Variants in CPNE5 observed in about 807,000 individuals in gnomAD.
CPNE5 encodes the protein copine-5.
CPNE5 carries 42 observed loss-of-function variants against 81.1 expected under a neutral mutation model. The ratio of observed to expected loss-of-function variants is 0.52; its 90% CI spans 0.40 to 0.67. The LOEUF is 0.67. Among genes scored for constraint, CPNE5 ranks in the 30% least tolerant of loss-of-function variants. The pLI, the probability that CPNE5 is intolerant of heterozygous loss-of-function variation, is 0.00. For missense variants in CPNE5, 612 were observed against 815.5 expected (o/e 0.75, Z 3.04); for synonymous variants, 313 against 321.5 (o/e 0.97, Z 0.28).
At chr6:36,747,369 T>C (rs59030356) in intron 15 of CPNE5, among the ~76,000 whole-genome samples, 43,210 of 152,034 alleles carry the variant, frequency 0.28, 6,241 homozygotes, top group African/African-American at 0.32. Context: ...CTCCTGCTAG[T>C]TATGTGATCT....
intron 8 of CPNE5, among the ~76,000 whole-genome samples, chr6:36,789,798 G>C (rs146037875): frequency 6.6e-6 from 1 of 152,114 alleles, no homozygotes; most frequent in African/African-American, 2.4e-5. Flanking sequence ...ATGGGTCCTC[G>C]GGAATGCCTA....
chr6:36,835,598 C>T (rs1271641855), intron 1 of CPNE5, among the ~76,000 whole-genome samples: 2 of 152,168 alleles, frequency 1.3e-5, no homozygotes, highest in African/African-American at 4.8e-5. Flanking sequence ...GAGTTCGAGA[C>T]CAGCCTGGCC....
In CPNE5 at chr6:36,746,165, G is replaced by T; in HGVS notation, c.1200+231C>A. 2.0e-6 allele frequency: 2 copies of T among 985,396 alleles called. No homozygotes were observed. Among genetic ancestry groups the T allele is most frequent in the Non-Finnish European group, 2.4e-6 (2 of 829,904 alleles). The allele number at this position is 985,396 out of a possible 1,614,324, so 61.0% of individuals were successfully genotyped here. ...GCACCTGCGTCTTGTCAGGAACAAG[G>T]AAGCCAGGGCCAGCTGTGGGCAGGC... is the stretch of plus-strand genomic sequence containing the variant. On this transcript the variant is annotated intron_variant, in intron 16 of 20. Coordinates refer to ENST00000244751, the MANE Select transcript of CPNE5 (RefSeq NM_020939.2). This position sits in a 1 kb window ranked among gnomAD's most constrained non-coding sequence, Gnocchi z 4.5.
rs140842238 is a variant in CPNE5, at chr6:36,772,360, G to A, written c.737+2601C>T. On this transcript the variant is annotated intron_variant, in intron 10 of 20. Transcript: ENST00000244751. ...GCTCCAACCAGCCCGTCCTCTCACT[G>A]CTCCAACCAGCCTGTCCTCTCATCC... Among the ~76,000 whole-genome samples the A allele has an allele frequency of 1.7e-3, 252 of 152,138 alleles. 9 individuals carry two copies. The East Asian group carries it at 0.043, about 26-fold the overall frequency.
intron 4 of CPNE5, 66 bp downstream of exon 4, chr6:36,799,901 G>C (rs1476208088): frequency 8.5e-7 from 1 of 1,181,936 alleles, no homozygotes; most frequent in Non-Finnish European, 1.3e-6. Flanking sequence ...CCACAGGTCT[G>C]TGGTCCTACC....
intron 6 of CPNE5, among the ~76,000 whole-genome samples, chr6:36,794,981 C>T (rs1480732300): frequency 6.6e-6 from 1 of 152,070 alleles, no homozygotes; most frequent in Admixed American, 6.5e-5. Context: ...GACACTGGTA[C>T]CTGCTGCAGC....
intron 20 of CPNE5, chr6:36,743,130 G>T (rs1353958677): frequency 3.7e-5 from 36 of 985,308 alleles, no homozygotes; most frequent in Non-Finnish European, 4.0e-5. Context: ...CAGGATGTCA[G>T]CTTTGTCTTC....
chr6:36,749,902 T>A (rs1192255813), intron 14 of CPNE5, among the ~76,000 whole-genome samples: 1 of 152,244 alleles, frequency 6.6e-6, no homozygotes, highest in Admixed American at 6.5e-5. Flanking sequence ...TTCTAGGTTC[T>A]CTGCCGGGTC....
intron 8 of CPNE5, among the ~76,000 whole-genome samples, chr6:36,780,692 T>G (rs1767968863): frequency 6.6e-6 from 1 of 152,210 alleles, no homozygotes; most frequent in Non-Finnish European, 1.5e-5. Flanking sequence ...GCACCTCACT[T>G]GCCTTCCCTC....
intron 1 of CPNE5, among the ~76,000 whole-genome samples, chr6:36,828,164 T>C (rs1772668298): frequency 6.6e-6 from 1 of 151,874 alleles, no homozygotes; most frequent in African/African-American, 2.4e-5. Context: ...ACACCTCCCA[T>C]CTGGGGGAGC....
chr6:36,743,799 T>G, intron 19 of CPNE5, 37 bp from the exon 20 acceptor site: 1 of 1,563,890 alleles, frequency 6.4e-7, no homozygotes, highest in South Asian at 1.1e-5. Flanking sequence ...GGGGTGAGAT[T>G]AACGGTGGAC....
At chr6:36,777,989 C>G (rs1767702259) in intron 9 of CPNE5, among the ~76,000 whole-genome samples, 1 of 152,160 alleles carries the variant, frequency 6.6e-6, no homozygotes, top group South Asian at 2.1e-4. Context: ...CAGCGCTTCT[C>G]TAATTAACCT....
intron 13 of CPNE5, 71 bp downstream of exon 13, chr6:36,756,174 C>T (rs1765440038): frequency 7.3e-7 from 1 of 1,376,028 alleles, no homozygotes; most frequent in Non-Finnish European, 1.0e-6. Flanking sequence ...GCACGGGCCT[C>T]CCTGATACCA....
chr6:36,785,694 C>A (rs1427963197), intron 8 of CPNE5, among the ~76,000 whole-genome samples: 1 of 152,042 alleles, frequency 6.6e-6, no homozygotes, highest in East Asian at 1.9e-4. Flanking sequence ...CATAGTGAGA[C>A]CTCCATCTCT....
chr6:36,777,461 C>T (rs1412112295), intron 9 of CPNE5, among the ~76,000 whole-genome samples: 4 of 152,096 alleles, frequency 2.6e-5, no homozygotes, highest in Non-Finnish European at 4.4e-5. Context: ...TCCTCCCAGC[C>T]GGCCCCAGCC....
intron 8 of CPNE5, among the ~76,000 whole-genome samples, chr6:36,786,616 C>G (rs1293175892): frequency 6.6e-6 from 1 of 152,172 alleles, no homozygotes; most frequent in African/African-American, 2.4e-5. Flanking sequence ...AGGATGTTCA[C>G]TACAGTATTA....
intron 10 of CPNE5, among the ~76,000 whole-genome samples, chr6:36,768,706 G>A (rs1351237994): frequency 4.6e-5 from 7 of 152,224 alleles, no homozygotes; most frequent in African/African-American, 1.4e-4. Context: ...CTTATTGGGT[G>A]TGGGAAAATG....
chr6:36,816,483 C>A (rs1302925328), intron 3 of CPNE5, among the ~76,000 whole-genome samples: 1 of 152,186 alleles, frequency 6.6e-6, no homozygotes, highest in Non-Finnish European at 1.5e-5. Flanking sequence ...CTCATGCAAA[C>A]CCCACGTACA....
intron 1 of CPNE5, among the ~76,000 whole-genome samples, chr6:36,830,419 G>A (rs372204427): frequency 7.9e-5 from 12 of 152,288 alleles, no homozygotes; most frequent in African/African-American, 2.9e-4. Context: ...AAAGCAGGGC[G>A]GGAGCTGGGA....
Sources: gnomAD v4.1 joint callset for allele counts (sites outside exome capture counted in the v4.1 genomes callset) on GRCh38, gnomAD v4.1.1 for gene constraint, Gnocchi (gnomAD v3.1) non-coding constraint, MANE v1.5 for transcripts, NCBI Gene and HGNC (gene_info 2026-07-23, HGNC 2026-07-21) for gene names.